The following HEATR5B variants were observed in gnomAD, a reference collection of about 807,000 sequenced individuals.
The protein encoded by HEATR5B is HEAT repeat-containing protein 5B.
Under a neutral mutation model 224.1 loss-of-function variants are expected in HEATR5B, and 156 were observed. The ratio of observed to expected loss-of-function variants is 0.70; its 90% confidence interval spans 0.61 to 0.80. HEATR5B has a LOEUF of 0.80. HEATR5B is among the 30% of genes least tolerant of loss of function. HEATR5B has a pLI of 0.00. For missense variants in HEATR5B, 2,323 were observed against 2,535.5 expected, an observed-to-expected ratio of 0.92 and a Z score of 1.80; for synonymous variants, 1,027 against 893.0, an observed-to-expected ratio of 1.15 and a Z score of -2.68.
Position 37,069,489 on chromosome 2 carries a change from T to C in HEATR5B, c.928-559A>G, listed in dbSNP as rs577671895. Among the ~76,000 whole-genome samples the C allele has an allele frequency of 2.6e-5, 4 of 152,314 alleles. 1 individual carries two copies. Among genetic ancestry groups the C allele is most frequent in the African/African-American group, 7.2e-5 (3 of 41,574 alleles). ...TTTGAAATTATAATTCCAAGTCAGA[T>C]ATAATCTTATAATTACACTGGTGAT... On this transcript the variant is annotated intron_variant, in intron 7 of 35. Coordinates refer to ENST00000233099, the MANE Select transcript of HEATR5B (RefSeq NM_019024.3).
intron 3 of HEATR5B, among the ~76,000 whole-genome samples, chr2:37,077,567 CAA>C (rs1205795010): frequency 6.6e-6 from 1 of 152,250 alleles, no homozygotes; most frequent in African/African-American, 2.4e-5. Context: ...CTCGGCCTCC[CAA>C]AGTGTTGGGA....
At chr2:37,039,448 A>G (rs941034808) in intron 20 of HEATR5B, among the ~76,000 whole-genome samples, 12 of 152,154 alleles carry the variant, frequency 7.9e-5, no homozygotes, top group Admixed American at 7.9e-4. Context: ...CCTGGGCAAT[A>G]GATTCAAAAT....
At chr2:37,047,475 G>C (rs1217784583) in intron 18 of HEATR5B, among the ~76,000 whole-genome samples, 2 of 152,222 alleles carry the variant, frequency 1.3e-5, no homozygotes, top group Admixed American at 1.3e-4. Context: ...AATGTTCACA[G>C]TGATAATCAT....
At chr2:37,029,940 T>A (rs1415236438) in intron 22 of HEATR5B, among the ~76,000 whole-genome samples, 2 of 102,086 alleles carry the variant, frequency 2.0e-5, no homozygotes, top group Non-Finnish European at 4.0e-5. Context: ...TCTCAAAAAA[T>A]AAATAAATAA....
chr2:37,037,881 G>C lies in HEATR5B; in HGVS notation c.3190C>G (p.Leu1064Val), dbSNP rs1367415429. 1.3e-6 allele frequency: 2 copies of C among 1,591,288 alleles called. No homozygotes were observed. Among genetic ancestry groups the C allele is most frequent in the Non-Finnish European group, 1.7e-6 (2 of 1,166,708 alleles). Reference protein sequence around the residue: ...LHMFAPRHVNLSSLVPSLCVH... With the variant: ...LHMFAPRHVNVSSLVPSLCVH... ...CAAAGGCTAGGAACAAGGCTAGATA[G>C]ATTGACATGTCGTGGTGCAAACATG... Residue 1064 changes from leucine (L) to valine (V), a missense_variant, in exon 21 of 36, where the codon CTA becomes GTA. Around this residue, in one of 12 missense-constraint regions of HEATR5B, gnomAD observed 88 missense variants for 86.8 expected, o/e 1.01. Transcript: ENST00000233099.
intron 27 of HEATR5B, among the ~76,000 whole-genome samples, chr2:37,011,268 C>G (rs1421988325): frequency 6.6e-6 from 1 of 152,128 alleles, no homozygotes; most frequent in Non-Finnish European, 1.5e-5. Context: ...AGCTTACAGG[C>G]AGAGGGAACA....
chr2:37,070,685 A>T (rs780991930), intron 6 of HEATR5B, among the ~76,000 whole-genome samples: 1 of 152,236 alleles, frequency 6.6e-6, no homozygotes, highest in Non-Finnish European at 1.5e-5. Context: ...CCCACAGCAG[A>T]TACTACTAAC....
chr2:37,069,972 A>C (rs549331254), intron 7 of HEATR5B, among the ~76,000 whole-genome samples: 4 of 151,218 alleles, frequency 2.6e-5, no homozygotes, highest in African/African-American at 9.7e-5. Flanking sequence ...ATCTTGGCTA[A>C]CTGCAACCTC....
chr2:37,014,986 G>GA (rs1183715924), intron 26 of HEATR5B, among the ~76,000 whole-genome samples: 1 of 145,250 alleles, frequency 6.9e-6, no homozygotes, highest in African/African-American at 2.5e-5. Context: ...AAGAAAGAAA[G>GA]AAAAAAAAAG....
At chr2:37,041,993 T>C (rs1669902450) in intron 18 of HEATR5B, among the ~76,000 whole-genome samples, 1 of 152,002 alleles carries the variant, frequency 6.6e-6, no homozygotes, top group Non-Finnish European at 1.5e-5. Flanking sequence ...ACTTAAGAAA[T>C]ACCCTATAAT....
rs35615621 is a variant in HEATR5B, at chr2:37,059,464, A to AT, written c.1850-478dup. Among the ~76,000 whole-genome samples, 553 of 65,826 alleles carry AT rather than the reference A, an allele frequency of 8.4e-3. 33 individuals are homozygous for AT. The highest frequency in any genetic ancestry group is 0.025 in the East Asian group (56 of 2,234). 43.2% of individuals were successfully genotyped at this position (65,826 alleles called of 152,430 possible). On this transcript the variant is annotated intron_variant, in intron 12 of 35. Transcript: ENST00000233099. ...TGTGTGTGTATATATATATATATAT[A>AT]TTTTTTTTTTTTTTTTTTTGAGAGA...
chr2:37,050,508 AG>A (rs1435228770), intron 17 of HEATR5B, among the ~76,000 whole-genome samples: 1 of 152,224 alleles, frequency 6.6e-6, no homozygotes. Context: ...TATCACTCTA[AG>A]GAAACATTCT....
At chr2:37,037,753 AC>A in intron 21 of HEATR5B, 101 bp downstream of exon 21, 2 of 728,396 alleles carry the variant, frequency 2.7e-6, no homozygotes, top group Non-Finnish European at 2.0e-6. Context: ...TACCCCAAGT[AC>A]CCCAAAAATA....
At chr2:37,020,599 T>C in intron 25 of HEATR5B, 56 bp downstream of exon 25, 1 of 1,341,730 alleles carries the variant, frequency 7.5e-7, no homozygotes, top group Non-Finnish European at 1.0e-6. Flanking sequence ...TCTGCACTTC[T>C]TCAGCAATCT....
At chr2:36,984,225 T>TATATATATATATATATATATATATATATA (rs1242428169) in intron 35 of HEATR5B, among the ~76,000 whole-genome samples, 4 of 75,294 alleles carry the variant, frequency 5.3e-5, no homozygotes, top group African/African-American at 2.4e-4. Context: ...AATATATATA[T>TATATATATATATATATATATATATATATA]ATATATATAT....
intron 3 of HEATR5B, among the ~76,000 whole-genome samples, chr2:37,077,522 G>C (rs922020179): frequency 6.6e-6 from 1 of 152,206 alleles, no homozygotes; most frequent in Non-Finnish European, 1.5e-5. Flanking sequence ...TAGCCAGGCT[G>C]ATCTCGAACT....
At chr2:37,034,718 C>T (rs1043129408) in intron 21 of HEATR5B, among the ~76,000 whole-genome samples, 9 of 149,908 alleles carry the variant, frequency 6.0e-5, no homozygotes, top group Non-Finnish European at 1.3e-4. Context: ...GCGATCCTCT[C>T]GCCTCATTTT....
intron 6 of HEATR5B, 47 bp downstream of exon 6, chr2:37,072,063 A>G: frequency 6.9e-7 from 1 of 1,450,256 alleles, no homozygotes; most frequent in Non-Finnish European, 9.4e-7. Flanking sequence ...TATATGCAAT[A>G]ACTAATTAGG....
intron 33 of HEATR5B, among the ~76,000 whole-genome samples, chr2:36,999,864 T>A (rs756242628): frequency 3.3e-5 from 5 of 150,862 alleles, no homozygotes; most frequent in Non-Finnish European, 7.4e-5. Flanking sequence ...ACGCAAAAAT[T>A]AACCGGGTGT....
Sources: allele counts gnomAD v4.1 joint callset (sites outside exome capture counted in the v4.1 genomes callset), GRCh38; gene constraint gnomAD v4.1.1; regional missense constraint gnomAD v4.1.1; transcripts MANE v1.5; gene names NCBI Gene and HGNC (gene_info 2026-07-23, HGNC 2026-07-21).